ARMH4: variants seen among roughly 807,000 people sequenced by gnomAD.
ARMH4 encodes armadillo like helical domain containing 4.
ARMH4 carries 49 observed loss-of-function variants against 61.9 expected under a neutral mutation model. The ratio of observed to expected loss-of-function variants is 0.79; its 90% CI spans 0.63 to 1.00. The LOEUF (loss-of-function observed/expected upper bound fraction) is 1.00. Among genes scored for constraint, ARMH4 ranks in the 50% least tolerant of loss-of-function variants. The probability of loss-of-function intolerance (pLI) is 0.00; values close to 1 mark genes in which losing one functional copy is unlikely to be tolerated. For missense variants in ARMH4, 934 were observed against 930.0 expected, an observed-to-expected ratio of 1.00 and a Z score of -0.06; for synonymous variants, 368 against 341.5, an observed-to-expected ratio of 1.08 and a Z score of -0.85.
intron 5 of ARMH4, among the ~76,000 whole-genome samples, chr14:58,025,820 A>G (rs1883001825): frequency 6.6e-6 from 1 of 152,184 alleles, no homozygotes; most frequent in Non-Finnish European, 1.5e-5. Context: ...TCACGTAATT[A>G]CAGAACAGCA....
rs1316790179 is a variant in ARMH4 at position 58,124,247 on chromosome 14, GC to G, written c.1831+7264del. Among the ~76,000 whole-genome samples the G allele has an allele frequency of 4.6e-5, 7 of 152,234 alleles. No individual in the cohort carries two copies. In the East Asian group the frequency reaches 1.2e-3, roughly 25 times the overall value. On this transcript the variant is annotated intron_variant, in intron 4 of 7. Coordinates refer to ENST00000267485, the MANE Select transcript of ARMH4 (RefSeq NM_001001872.4). ...GGCCCTAAAGAAGGCCCTAACCCAAGCCCCAGTGTTAAGCTTGCCAACAGAG... is the reference window on the plus strand; with the variant it reads ...GGCCCTAAAGAAGGCCCTAACCCAAGCCCAGTGTTAAGCTTGCCAACAGAG...
Position 58,004,557 on chromosome 14 carries a change from G to T in ARMH4, c.*179C>A. The T allele has an allele frequency of 1.8e-6, 1 of 563,386 alleles. No individual in the cohort carries two copies. The highest frequency in any genetic ancestry group is 3.2e-6 in the Non-Finnish European group (1 of 310,694). 34.9% of individuals were successfully genotyped at this position (563,386 alleles called of 1,614,324 possible). ...AACCAAATACTGCATGATACGTTTA[G>T]TATACAACATGCCATTTCTGCTCAG... is the stretch of plus-strand genomic sequence containing the variant. On this transcript the variant is annotated 3_prime_UTR_variant, in exon 8 of 8. Coordinates refer to ENST00000267485, the MANE Select transcript of ARMH4 (RefSeq NM_001001872.4).
chr14:58,061,648 A>G (rs1884533859), intron 5 of ARMH4, among the ~76,000 whole-genome samples: 1 of 152,214 alleles, frequency 6.6e-6, no homozygotes, highest in Non-Finnish European at 1.5e-5. Context: ...AACGTCAAAT[A>G]TGACTATAGT....
intron 6 of ARMH4, among the ~76,000 whole-genome samples, chr14:58,006,584 C>T (rs557924435): frequency 8.2e-4 from 125 of 152,244 alleles, no homozygotes; most frequent in African/African-American, 2.9e-3. Flanking sequence ...GGAAATTCTT[C>T]CATTAATTTG....
intron 1 of ARMH4, among the ~76,000 whole-genome samples, chr14:58,145,820 T>C (rs1887716927): frequency 1.3e-5 from 2 of 151,960 alleles, no homozygotes; most frequent in Admixed American, 6.6e-5. Context: ...CTCCCCACTA[T>C]CGAAAGCAAC....
At chr14:58,099,448 G>GT (rs1885880183) in intron 4 of ARMH4, among the ~76,000 whole-genome samples, 2 of 152,194 alleles carry the variant, frequency 1.3e-5, no homozygotes, top group Admixed American at 1.3e-4. Flanking sequence ...AAGGGCCCGA[G>GT]TAAGAGACTG....
At chr14:58,055,766 T>C (rs1884328834) in intron 5 of ARMH4, among the ~76,000 whole-genome samples, 1 of 152,330 alleles carries the variant, frequency 6.6e-6, no homozygotes, top group African/African-American at 2.4e-5. Flanking sequence ...GCTGTACTTA[T>C]TTGGTACTTA....
rs780833951 is a variant in ARMH4, at chr14:58,138,687, T to C, written c.672A>G (p.Lys224=). The C allele has an allele frequency of 7.4e-6, 12 of 1,614,038 alleles. No individual in the cohort carries two copies. The East Asian group carries it at 2.5e-4, about 33-fold the overall frequency. ...TCCTGTGGTCTGTGTCTGCTTCAAA[T>C]TTCTCAGTCTTTGGATTGGTGGTTA... is the stretch of plus-strand genomic sequence containing the variant. The part of the protein sequence containing the change: ...EMLTTNPKTE[K]FEADTDHRTT... The change falls in exon 2 of 8, where the codon AAA becomes AAG. Residue 224 remains lysine (K), a synonymous_variant. Transcript: ENST00000267485.
At chr14:58,010,885 G>C (rs1385462130) in intron 6 of ARMH4, among the ~76,000 whole-genome samples, 1 of 151,210 alleles carries the variant, frequency 6.6e-6, no homozygotes, top group East Asian at 1.9e-4. Context: ...ACTTTCTATG[G>C]AAACAATGAT....
At chr14:58,049,774 C>T (rs1309265734) in intron 5 of ARMH4, among the ~76,000 whole-genome samples, 2 of 152,172 alleles carry the variant, frequency 1.3e-5, no homozygotes, top group African/African-American at 2.4e-5. Context: ...TACTGAAACT[C>T]AGGGAGAGAA....
intron 5 of ARMH4, among the ~76,000 whole-genome samples, chr14:58,017,533 A>T (rs1287280137): frequency 6.6e-6 from 1 of 152,124 alleles, no homozygotes; most frequent in African/African-American, 2.4e-5. Context: ...AATTCCATTC[A>T]CAATAGCTAC....
intron 1 of ARMH4, among the ~76,000 whole-genome samples, chr14:58,146,834 T>C (rs983441957): frequency 1.3e-5 from 2 of 152,230 alleles, no homozygotes; most frequent in East Asian, 1.9e-4. Context: ...AACCAATATG[T>C]TAAATCATTC....
chr14:58,152,118 G>C lies in ARMH4; in HGVS notation c.-100C>G, dbSNP rs1456944859. On this transcript the variant is annotated 5_prime_UTR_variant, in exon 1 of 8. Transcript: ENST00000267485. Reference sequence around the variant, plus strand: ...GCAGCGCGCGGAGGACAGAGGCAGCGGCGGCGCGGGCGCTCGGCATCCCAG... The same window carrying C: ...GCAGCGCGCGGAGGACAGAGGCAGCCGCGGCGCGGGCGCTCGGCATCCCAG... The C allele has an allele frequency of 6.3e-6, 1 of 159,912 alleles. No individual in the cohort carries two copies. Among genetic ancestry groups the C allele is most frequent in the Non-Finnish European group, 1.4e-5 (1 of 74,024 alleles). 9.9% of individuals were successfully genotyped at this position (159,912 alleles called of 1,614,324 possible).
intron 5 of ARMH4, among the ~76,000 whole-genome samples, chr14:58,057,578 G>C (rs1884387260): frequency 6.6e-6 from 1 of 152,056 alleles, no homozygotes; most frequent in Admixed American, 6.6e-5. Flanking sequence ...GTCTGTGTGT[G>C]TGTGTGTGTG....
Position 58,136,150 on chromosome 14 carries a change from T to C in ARMH4, c.1369+1840A>G, listed in dbSNP as rs796932349. Among the ~76,000 whole-genome samples the C allele has an allele frequency of 1.6e-4, 25 of 152,302 alleles. 1 individual carries two copies. Among genetic ancestry groups the C allele is most frequent in the African/African-American group, 5.8e-4 (24 of 41,580 alleles). On this transcript the variant is annotated intron_variant, in intron 2 of 7. Coordinates refer to ENST00000267485, the MANE Select transcript of ARMH4 (RefSeq NM_001001872.4). ...ATGTGCCAGGAATTGTGCTATGTGC[T>C]AGAAATTAAAAGTAGTGGCCTTTTA...
intron 5 of ARMH4, among the ~76,000 whole-genome samples, chr14:58,038,547 T>C (rs1200964049): frequency 1.1e-5 from 1 of 94,762 alleles, no homozygotes; most frequent in African/African-American, 3.7e-5. Context: ...AAATTTAAAG[T>C]ATAATAAAAA....
chr14:58,054,470 T>A (rs1223183561), intron 5 of ARMH4, among the ~76,000 whole-genome samples: 1 of 152,226 alleles, frequency 6.6e-6, no homozygotes, highest in Admixed American at 6.5e-5. Context: ...AGGACATCGT[T>A]TCTTCTTCCA....
chr14:58,084,634 C>A (rs189250627), intron 5 of ARMH4, among the ~76,000 whole-genome samples: 1 of 152,296 alleles, frequency 6.6e-6, no homozygotes, highest in East Asian at 1.9e-4. Flanking sequence ...CTCAAAAATT[C>A]AAATCCCATT....
intron 5 of ARMH4, among the ~76,000 whole-genome samples, chr14:58,042,156 C>G (rs1459658134): frequency 6.6e-6 from 1 of 152,044 alleles, no homozygotes; most frequent in East Asian, 1.9e-4. Context: ...CTTCTCAGCA[C>G]CACATCACAT....
Sources: gnomAD v4.1 joint callset for allele counts (sites outside exome capture counted in the v4.1 genomes callset) on GRCh38, gnomAD v4.1.1 for gene constraint, MANE v1.5 for transcripts, NCBI Gene and HGNC (gene_info 2026-07-23, HGNC 2026-07-21) for gene names.